NDRG1: variants seen among roughly 807,000 people sequenced by gnomAD.
NDRG1 encodes the protein N-myc downstream regulated 1, also known as protein NDRG1.
NDRG1 carries 32 observed loss-of-function variants against 56.9 expected under a neutral mutation model. The ratio of observed to expected loss-of-function variants is 0.56; its 90% CI spans 0.42 to 0.76. NDRG1 has a LOEUF of 0.76. Ranked by LOEUF, NDRG1 falls within the 30% of genes least tolerant of loss-of-function variation. The pLI is 0.00. For missense variants in NDRG1, 507 were observed against 545.7 expected (o/e 0.93, Z 0.71); for synonymous variants, 211 against 204.1 (o/e 1.03, Z -0.29).
intron 3 of NDRG1, among the ~76,000 whole-genome samples, chr8:133,271,984 C>A (rs1001455573): frequency 2.0e-5 from 3 of 151,990 alleles, no homozygotes; most frequent in African/African-American, 7.3e-5. Context: ...TATAGGTGCC[C>A]AATGAGATAA....
rs10108354 is a variant in NDRG1 at position 133,296,891 on chromosome 8, G to C, written c.-19+243C>G. 2.8e-5 allele frequency: 6 copies of C among 212,214 alleles called. No individual in the cohort carries two copies. In the Admixed American group the frequency reaches 3.4e-4, roughly 12 times the overall value. 13.1% of individuals were successfully genotyped at this position (212,214 alleles called of 1,614,324 possible). A position where few individuals can be genotyped will look rare whatever the true frequency, so the allele number is the denominator to read the frequency against. On this transcript the variant is annotated intron_variant, in intron 1 of 15. Coordinates refer to ENST00000323851, the MANE Select transcript of NDRG1 (RefSeq NM_006096.4). Reference sequence around the variant, plus strand: ...AGAACCCCAATCCCCAGCTAGGGGGGAGATGAATGGGACCCTGTCTTTTTT... The same window carrying C: ...AGAACCCCAATCCCCAGCTAGGGGGCAGATGAATGGGACCCTGTCTTTTTT...
At chr8:133,278,040 C>G (rs769638899) in intron 3 of NDRG1, among the ~76,000 whole-genome samples, 1 of 152,150 alleles carries the variant, frequency 6.6e-6, no homozygotes, top group Non-Finnish European at 1.5e-5. Flanking sequence ...GCCAGCAAGC[C>G]GCTCCCCTGG....
intron 3 of NDRG1, among the ~76,000 whole-genome samples, chr8:133,266,980 T>A (rs1281569105): frequency 6.6e-6 from 1 of 152,130 alleles, no homozygotes; most frequent in Admixed American, 6.5e-5. Flanking sequence ...AATTCCCAGG[T>A]TCCCCCGCAG....
chr8:133,249,583 C>T (rs548092571), intron 10 of NDRG1: 5 of 153,550 alleles, frequency 3.3e-5, no homozygotes, highest in Admixed American at 1.9e-4. Context: ...GTGGAGTCTG[C>T]GGGCTGTGCT....
intron 10 of NDRG1, among the ~76,000 whole-genome samples, chr8:133,250,063 G>C (rs1855926666): frequency 6.6e-6 from 1 of 152,224 alleles, no homozygotes; most frequent in South Asian, 2.1e-4. Context: ...AGCCTGCCTG[G>C]ATTATCCCCG....
chr8:133,280,275 A>G lies in NDRG1; in HGVS notation c.64-8T>C. On this transcript the variant is annotated splice_polypyrimidine_tract_variant and splice_region_variant and intron_variant, in intron 2 of 15. Coordinates refer to ENST00000323851, the MANE Select transcript of NDRG1 (RefSeq NM_006096.4). ...CAGGAGGCCGGTGATGGTCTGTGAA[A>G]AGACAAAAAAAATTGTCAATTTCAT... 1 of 1,613,970 alleles carries G rather than the reference A, an allele frequency of 6.2e-7. No individual in the cohort carries two copies. The highest frequency in any genetic ancestry group is 8.5e-7 in the Non-Finnish European group (1 of 1,179,844).
chr8:133,239,705 TGCACATGGCACGTGCAAGTG>T (rs1371082512), intron 15 of NDRG1: 1 of 164,346 alleles, frequency 6.1e-6, no homozygotes, highest in Non-Finnish European at 1.3e-5. Context: ...CAAATGCTCT[TGCACATGGCACGTGCAAGTG>T]GCACATGCTG....
At chr8:133,246,168 G>A (rs918809710) in intron 13 of NDRG1, among the ~76,000 whole-genome samples, 1 of 152,254 alleles carries the variant, frequency 6.6e-6, no homozygotes, top group African/African-American at 2.4e-5. Flanking sequence ...CAAAGGACTG[G>A]CGGAGGTTGC....
At chr8:133,259,078 T>C in intron 6 of NDRG1, 90 bp downstream of exon 6, 1 of 1,352,986 alleles carries the variant, frequency 7.4e-7, no homozygotes, top group Non-Finnish European at 1.1e-6. Context: ...TTAATTTTAG[T>C]GGTCAGTCCA....
rs2233330 is a variant in NDRG1 at position 133,256,988 on chromosome 8, G to T, written c.451-125C>A. The stretch of plus-strand genomic sequence containing the variant: ...GGCAGTGTGGGCAGCAGAGCAGGCT[G>T]CTGCTCCCCGGCCCCACCCCATGCA... On this transcript the variant is annotated intron_variant, in intron 7 of 15. Coordinates refer to ENST00000323851, the MANE Select transcript of NDRG1 (RefSeq NM_006096.4). 46 of 887,840 alleles carry T rather than the reference G, an allele frequency of 5.2e-5. No homozygotes were observed. In the African/African-American group the frequency reaches 6.8e-4, roughly 13 times the overall value. 55.0% of individuals were successfully genotyped at this position (887,840 alleles called of 1,614,324 possible).
chr8:133,280,000 G>A (rs1279726868), intron 3 of NDRG1, among the ~76,000 whole-genome samples: 1 of 152,164 alleles, frequency 6.6e-6, no homozygotes, highest in Non-Finnish European at 1.5e-5. Context: ...GAAACAGGCG[G>A]TGTCTCTGTC....
In NDRG1 at chr8:133,242,767, A is replaced by T. The variant is rs75418122; in HGVS notation, c.892-693T>A. Among the ~76,000 whole-genome samples the T allele has an allele frequency of 4.8e-3, 675 of 139,668 alleles. 5 individuals carry two copies. The highest frequency in any genetic ancestry group is 0.018 in the African/African-American group (641 of 36,534). The allele number at this position is 139,668 out of a possible 152,430, so 91.6% of individuals were successfully genotyped here. On this transcript the variant is annotated intron_variant, in intron 14 of 15. Transcript: ENST00000323851. ...GGAAGGAAGGAAGGAAAGATGGATT[A>T]AAAAAAGAATTGATGGACAAAAGGA...
chr8:133,292,441 A>G (rs1858482904), intron 1 of NDRG1, among the ~76,000 whole-genome samples: 1 of 152,188 alleles, frequency 6.6e-6, no homozygotes, highest in Non-Finnish European at 1.5e-5. Context: ...TACTAAGGAC[A>G]GGCTCTCAGG....
chr8:133,258,353 C>T lies in NDRG1; in HGVS notation c.450+13G>A. On this transcript the variant is annotated intron_variant, in intron 7 of 15. Coordinates refer to ENST00000323851, the MANE Select transcript of NDRG1 (RefSeq NM_006096.4). ...TTTAAAATGCGATTTTCAAAAAATG[C>T]CAAAGCACTCACAGCAAATCGAGTT... is the stretch of plus-strand genomic sequence containing the variant. 6.2e-7 allele frequency: 1 copy of T among 1,608,790 alleles called. No homozygotes were observed. The highest frequency in any genetic ancestry group is 8.5e-7 in the Non-Finnish European group (1 of 1,177,458).
chr8:133,271,879 A>AAGACAGCC (rs1168084431), intron 3 of NDRG1, among the ~76,000 whole-genome samples: 6 of 151,794 alleles, frequency 4.0e-5, no homozygotes, highest in African/African-American at 1.5e-4. Context: ...ACACGATAAA[A>AAGACAGCC]AGACAGCCAC....
At chr8:133,282,360 A>G (rs1327456861) in intron 2 of NDRG1, among the ~76,000 whole-genome samples, 1 of 152,256 alleles carries the variant, frequency 6.6e-6, no homozygotes, top group Non-Finnish European at 1.5e-5. Context: ...ACATGTGTTC[A>G]TATACTGGGC....
intron 9 of NDRG1, 99 bp downstream of exon 9, chr8:133,254,440 G>A: frequency 7.9e-7 from 1 of 1,259,338 alleles, no homozygotes; most frequent in Non-Finnish European, 1.1e-6. Flanking sequence ...CCAGTTGATT[G>A]TGTCTTGTTC....
chr8:133,295,534 C>A (rs1217356876), intron 1 of NDRG1, among the ~76,000 whole-genome samples: 1 of 152,244 alleles, frequency 6.6e-6, no homozygotes, highest in Admixed American at 6.5e-5. Flanking sequence ...CGTGTGTCTT[C>A]CCCACCAGAA....
intron 3 of NDRG1, among the ~76,000 whole-genome samples, chr8:133,267,877 G>C (rs949063868): frequency 2.6e-5 from 4 of 152,188 alleles, no homozygotes; most frequent in Non-Finnish European, 4.4e-5. Context: ...CACAGCACCA[G>C]GCAGGATGGG....
Sources: gnomAD v4.1 joint callset for allele counts (sites outside exome capture counted in the v4.1 genomes callset) on GRCh38, gnomAD v4.1.1 for gene constraint, MANE v1.5 for transcripts, NCBI Gene and HGNC (gene_info 2026-07-23, HGNC 2026-07-21) for gene names.